Variants in SH3RF1 observed in about 807,000 individuals in gnomAD.
SH3RF1 encodes the protein SH3 domain containing ring finger 1.
Under a neutral mutation model 74.0 loss-of-function variants are expected in SH3RF1, and 32 were observed. That is an observed-to-expected ratio of 0.43 (90% CI 0.33 to 0.58). The LOEUF (loss-of-function observed/expected upper bound fraction) is 0.58. Ranked by LOEUF, SH3RF1 falls within the 20% of genes least tolerant of loss-of-function variation. The probability of loss-of-function intolerance (pLI) is 0.05; values close to 1 mark genes in which losing one functional copy is unlikely to be tolerated. For synonymous variants in SH3RF1, 396 were observed against 439.6 expected (o/e 0.90, Z 1.24); for missense variants, 954 against 1,130.9 (o/e 0.84, Z 2.24).
chr4:169,191,298 C>CAAAAAA (rs35344441), intron 2 of SH3RF1, among the ~76,000 whole-genome samples: 1 of 113,256 alleles, frequency 8.8e-6, no homozygotes. Flanking sequence ...ACAATAGCTG[C>CAAAAAA]AAAAAAAAAA....
At chr4:169,189,902 C>A (rs976809148) in intron 2 of SH3RF1, among the ~76,000 whole-genome samples, 2 of 152,134 alleles carry the variant, frequency 1.3e-5, no homozygotes, top group Middle Eastern at 3.2e-3. Context: ...TGGAATAAAA[C>A]TGGAAATCAA....
At chr4:169,140,576 TATAA>T (rs1183952027) in intron 4 of SH3RF1, among the ~76,000 whole-genome samples, 5 of 152,184 alleles carry the variant, frequency 3.3e-5, no homozygotes. Flanking sequence ...TTATCAGAAG[TATAA>T]ATAAATATGA....
intron 2 of SH3RF1, among the ~76,000 whole-genome samples, chr4:169,236,095 C>T (rs551960138): frequency 2.6e-5 from 4 of 152,380 alleles, no homozygotes; most frequent in Non-Finnish European, 4.4e-5. Context: ...GCCACTGGCA[C>T]AGCATCTGTA....
At chr4:169,218,390 T>TTATAGAA (rs527981791) in intron 2 of SH3RF1, among the ~76,000 whole-genome samples, 1 of 141,532 alleles carries the variant, frequency 7.1e-6, no homozygotes, top group African/African-American at 2.6e-5. Flanking sequence ...AATATATATA[T>TTATAGAA]TATAGAATAT....
At chr4:169,217,022 G>A (rs1474943213) in intron 2 of SH3RF1, among the ~76,000 whole-genome samples, 5 of 150,636 alleles carry the variant, frequency 3.3e-5, no homozygotes, top group African/African-American at 1.2e-4. Flanking sequence ...AACCAGCCAG[G>A]TGTGGTGGTA....
At chr4:169,222,789 T>C (rs1337089813) in intron 2 of SH3RF1, among the ~76,000 whole-genome samples, 2 of 151,910 alleles carry the variant, frequency 1.3e-5, no homozygotes, top group Middle Eastern at 3.2e-3. Context: ...TTTGTGACAC[T>C]TTAACTTTAA....
At chr4:169,190,794 C>T (rs568278437) in intron 2 of SH3RF1, among the ~76,000 whole-genome samples, 1 of 152,234 alleles carries the variant, frequency 6.6e-6, no homozygotes, top group South Asian at 2.1e-4. Flanking sequence ...GACCAATATC[C>T]CTGATGAACA....
chr4:169,143,235 T>C (rs1463635707), intron 4 of SH3RF1, among the ~76,000 whole-genome samples: 1 of 152,172 alleles, frequency 6.6e-6, no homozygotes, highest in Non-Finnish European at 1.5e-5. Context: ...CAGAAAGAAA[T>C]AGGTAAAACT....
chr4:169,226,188 T>C (rs1385580544), intron 2 of SH3RF1, among the ~76,000 whole-genome samples: 1 of 152,204 alleles, frequency 6.6e-6, no homozygotes. Flanking sequence ...GGTAGGTGGA[T>C]AAGTACCTTT....
chr4:169,232,134 G>GGCCAGTACGAGC (rs769071721), intron 2 of SH3RF1, among the ~76,000 whole-genome samples: 1 of 152,150 alleles, frequency 6.6e-6, no homozygotes. Flanking sequence ...TGGCCAGTGT[G>GGCCAGTACGAGC]GCCAGTACGA....
At chr4:169,103,086 ATTTTTTT>A (rs60740517) in intron 11 of SH3RF1, among the ~76,000 whole-genome samples, 36 of 87,074 alleles carry the variant, frequency 4.1e-4, no homozygotes, top group African/African-American at 1.4e-3. Flanking sequence ...GCGCCTGGCT[ATTTTTTT>A]TTTTTTTTTT....
chr4:169,133,696 G>C (rs556395766), intron 5 of SH3RF1, among the ~76,000 whole-genome samples: 1 of 152,190 alleles, frequency 6.6e-6, no homozygotes, highest in Admixed American at 6.5e-5. Flanking sequence ...AGAATTGCTT[G>C]AACCCAGGAG....
chr4:169,175,128 AC>A (rs1734398061), intron 2 of SH3RF1, among the ~76,000 whole-genome samples: 1 of 152,104 alleles, frequency 6.6e-6, no homozygotes, highest in Non-Finnish European at 1.5e-5. Context: ...TTCACATTGC[AC>A]ATCCACTTAA....
intron 2 of SH3RF1, among the ~76,000 whole-genome samples, chr4:169,172,691 T>C (rs1355808757): frequency 6.6e-6 from 1 of 152,152 alleles, no homozygotes; most frequent in East Asian, 1.9e-4. Flanking sequence ...GCTAAGGTAT[T>C]GTTGGCTGGC....
chr4:169,262,229 T>C (rs897729065), intron 2 of SH3RF1, among the ~76,000 whole-genome samples: 2 of 152,190 alleles, frequency 1.3e-5, no homozygotes, highest in African/African-American at 4.8e-5. Flanking sequence ...AGAAACTATA[T>C]GCATACACAT....
At chr4:169,119,889 T>C (rs970966518) in intron 8 of SH3RF1, among the ~76,000 whole-genome samples, 7 of 152,234 alleles carry the variant, frequency 4.6e-5, no homozygotes, top group African/African-American at 1.7e-4. Context: ...TCCCTCAGTG[T>C]TGATTTCATT....
intron 8 of SH3RF1, among the ~76,000 whole-genome samples, chr4:169,118,518 G>A (rs1329339088): frequency 1.3e-5 from 2 of 152,076 alleles, no homozygotes; most frequent in African/African-American, 4.8e-5. Flanking sequence ...GGAGTGGAGT[G>A]GTGCGATCTC....
chr4:169,096,906 C>CAG (rs1328422953), intron 11 of SH3RF1, among the ~76,000 whole-genome samples: 1 of 152,186 alleles, frequency 6.6e-6, no homozygotes, highest in African/African-American at 2.4e-5. Context: ...ACTGATGGCC[C>CAG]AGACTGGTTC....
intron 2 of SH3RF1, among the ~76,000 whole-genome samples, chr4:169,181,691 G>T (rs1734514535): frequency 6.6e-6 from 1 of 152,134 alleles, no homozygotes; most frequent in Admixed American, 6.5e-5. Flanking sequence ...TACTTTATGT[G>T]GATAATTAAT....
Sources: gnomAD v4.1 joint callset for allele counts (sites outside exome capture counted in the v4.1 genomes callset) on GRCh38, gnomAD v4.1.1 for gene constraint, MANE v1.5 for transcripts, NCBI Gene and HGNC (gene_info 2026-07-23, HGNC 2026-07-21) for gene names.